TNS3: variants seen among roughly 807,000 people sequenced by gnomAD.
TNS3 encodes the protein tensin-3.
In TNS3, 45 loss-of-function variants were observed where a neutral mutation model predicts 140.9. The observed-to-expected ratio is 0.32, with a 90% CI of 0.25 to 0.41. TNS3 has a LOEUF of 0.41. Among genes scored for constraint, TNS3 ranks in the 10% least tolerant of loss-of-function variants. The probability of loss-of-function intolerance (pLI) is 1.00; values close to 1 mark genes in which losing one functional copy is unlikely to be tolerated. For synonymous variants in TNS3, 815 were observed against 788.4 expected (o/e 1.03, Z -0.56); for missense variants, 1,716 against 1,906.7 (o/e 0.90, Z 1.86).
intron 20 of TNS3, among the ~76,000 whole-genome samples, chr7:47,321,679 C>T (rs1213588900): frequency 6.6e-6 from 1 of 152,230 alleles, no homozygotes; most frequent in Non-Finnish European, 1.5e-5. Context: ...CCCATAATTA[C>T]TCCTGTCTCA....
chr7:47,538,922 T>A (rs1432640002), intron 1 of TNS3, among the ~76,000 whole-genome samples: 3 of 152,230 alleles, frequency 2.0e-5, no homozygotes, highest in Non-Finnish European at 4.4e-5. Context: ...TGAGAACACA[T>A]CTGTATCGTA....
rs1402711907 is a variant in TNS3, at chr7:47,407,067, C to A, written c.723+4660G>T. On this transcript the variant is annotated intron_variant, in intron 13 of 30. Transcript: ENST00000311160. This position sits in a 1 kb window ranked among gnomAD's most constrained non-coding sequence, Gnocchi z 4.1. ...CCCGCTCCTCTCTAGGGATGCTTTG[C>A]CAATAATGAGAAACGTGCAACCGCA... Among the ~76,000 whole-genome samples, 1 of 152,126 alleles carries A rather than the reference C, an allele frequency of 6.6e-6. No individual in the cohort carries two copies. Among genetic ancestry groups the A allele is most frequent in the East Asian group, 1.9e-4 (1 of 5,186 alleles).
intron 1 of TNS3, among the ~76,000 whole-genome samples, chr7:47,546,754 A>C (rs1799930883): frequency 6.6e-6 from 1 of 152,198 alleles, no homozygotes; most frequent in South Asian, 2.1e-4. Flanking sequence ...CTGTCCACCC[A>C]GGCTAGCAGG....
At position 47,364,635 on chromosome 7, in the gene TNS3, C is replaced by T. The variant is rs569340130; in HGVS notation, c.2281+3730G>A. Among the ~76,000 whole-genome samples the T allele has an allele frequency of 2.0e-5, 3 of 152,342 alleles. No homozygotes were observed. In the East Asian group the frequency reaches 5.8e-4, roughly 29 times the overall value. On this transcript the variant is annotated intron_variant, in intron 17 of 30. Coordinates refer to ENST00000311160, the MANE Select transcript of TNS3 (RefSeq NM_022748.12). ...AGGCTGTTCAGAGACCACCTCTACA[C>T]TGTGCAGGCTTTTGACACTAAATGA...
At chr7:47,327,637 ATC>A (rs1584408497) in intron 20 of TNS3, among the ~76,000 whole-genome samples, 1 of 152,348 alleles carries the variant, frequency 6.6e-6, no homozygotes, top group East Asian at 1.9e-4. Context: ...CCCTGAGTGA[ATC>A]TCAGCAAAGA....
chr7:47,354,470 GC>G (rs1789872194), intron 17 of TNS3, among the ~76,000 whole-genome samples: 1 of 152,130 alleles, frequency 6.6e-6, no homozygotes, highest in Non-Finnish European at 1.5e-5. Context: ...CTGGGGTGGG[GC>G]AGGGGGGCAC....
intron 16 of TNS3, among the ~76,000 whole-genome samples, chr7:47,391,607 G>T (rs746566037): frequency 6.6e-6 from 1 of 152,236 alleles, no homozygotes; most frequent in Admixed American, 6.5e-5. Flanking sequence ...AGGAAAATGA[G>T]ATGTTCTCCA....
intron 20 of TNS3, among the ~76,000 whole-genome samples, chr7:47,316,074 C>T (rs1787375802): frequency 6.7e-6 from 1 of 148,320 alleles, no homozygotes; most frequent in African/African-American, 2.5e-5. Flanking sequence ...GTAAGTGAGA[C>T]TATCCACCTA....
intron 3 of TNS3, among the ~76,000 whole-genome samples, chr7:47,485,109 G>A (rs192693684): frequency 7.2e-4 from 110 of 152,282 alleles, no homozygotes; most frequent in Non-Finnish European, 1.3e-3. Context: ...GGATGTGTGC[G>A]GTGGCATGGC....
chr7:47,574,998 T>C (rs1031221382), intron 1 of TNS3, among the ~76,000 whole-genome samples: 1 of 152,124 alleles, frequency 6.6e-6, no homozygotes, highest in African/African-American at 2.4e-5. Context: ...TTAAACATGA[T>C]TAAAACGACA....
At chr7:47,522,452 C>T (rs572608685) in intron 2 of TNS3, among the ~76,000 whole-genome samples, 1 of 152,216 alleles carries the variant, frequency 6.6e-6, no homozygotes, top group Non-Finnish European at 1.5e-5. Context: ...TCAGCCTACA[C>T]CATGACACCT....
At chr7:47,427,303 AT>A (rs1284542001) in intron 9 of TNS3, among the ~76,000 whole-genome samples, 3 of 151,918 alleles carry the variant, frequency 2.0e-5, no homozygotes, top group African/African-American at 7.3e-5. Flanking sequence ...AGGGTATCTG[AT>A]TTTCACTTGG....
intron 20 of TNS3, among the ~76,000 whole-genome samples, chr7:47,312,831 G>A (rs1335741092): frequency 6.6e-6 from 1 of 152,104 alleles, no homozygotes; most frequent in Non-Finnish European, 1.5e-5. Flanking sequence ...ATGTACACAT[G>A]TGTAACCTGC....
At chr7:47,553,864 C>A (rs1800124192) in intron 1 of TNS3, among the ~76,000 whole-genome samples, 1 of 151,924 alleles carries the variant, frequency 6.6e-6, no homozygotes, top group Admixed American at 6.6e-5. Flanking sequence ...TCTCGGCTAA[C>A]TGCAGCCTCC....
At chr7:47,316,422 A>G (rs930028619) in intron 20 of TNS3, among the ~76,000 whole-genome samples, 6 of 152,158 alleles carry the variant, frequency 3.9e-5, no homozygotes, top group South Asian at 2.1e-4. Context: ...ACTCACTTCA[A>G]TTGGGATCAG....
At position 47,543,758 on chromosome 7, in the gene TNS3, C is replaced by A. The variant is rs577627739; in HGVS notation, c.-264-14611G>T. Among the ~76,000 whole-genome samples the A allele has an allele frequency of 3.3e-5, 5 of 152,306 alleles. No individual in the cohort carries two copies. In the South Asian group the frequency reaches 1.0e-3, roughly 32 times the overall value. ...TCCACCAGGTTAACCAAAACGTCTC[C>A]ATTGGCTACAAAGTTCCCGGGCACG... On this transcript the variant is annotated intron_variant, in intron 1 of 30. Coordinates refer to ENST00000311160, the MANE Select transcript of TNS3 (RefSeq NM_022748.12).
chr7:47,510,370 C>T (rs944919716), intron 2 of TNS3, among the ~76,000 whole-genome samples: 4 of 152,194 alleles, frequency 2.6e-5, no homozygotes, highest in Middle Eastern at 3.2e-3. Flanking sequence ...CAGGCAGACC[C>T]GCCTCCTTTT....
intron 17 of TNS3, among the ~76,000 whole-genome samples, chr7:47,362,063 C>G (rs1026055694): frequency 6.6e-6 from 1 of 152,200 alleles, no homozygotes; most frequent in African/African-American, 2.4e-5. Flanking sequence ...CACGTGCAGG[C>G]TGAAACCAGG....
chr7:47,430,131 C>CTT (rs34003202), intron 8 of TNS3, among the ~76,000 whole-genome samples: 4 of 141,766 alleles, frequency 2.8e-5, no homozygotes, highest in African/African-American at 7.8e-5. Flanking sequence ...CTTTTCTTTT[C>CTT]TTTTTTTTTT....
Sources: allele counts gnomAD v4.1 joint callset (sites outside exome capture counted in the v4.1 genomes callset), GRCh38; gene constraint gnomAD v4.1.1; non-coding constraint Gnocchi (gnomAD v3.1); transcripts MANE v1.5; gene names NCBI Gene and HGNC (gene_info 2026-07-23, HGNC 2026-07-21).